Variants in WDR91 observed in about 807,000 individuals in gnomAD.
WDR91 encodes WD repeat domain 91, also known as WD repeat-containing protein 91.
Under a neutral mutation model 88.4 loss-of-function variants are expected in WDR91, and 52 were observed. The ratio of observed to expected loss-of-function variants is 0.59; its 90% confidence interval spans 0.47 to 0.74. WDR91 has a LOEUF of 0.74. WDR91 is among the 30% of genes least tolerant of loss of function. The pLI, the probability that WDR91 is intolerant of heterozygous loss-of-function variation, is 0.00. For missense variants in WDR91, 824 were observed against 954.5 expected (o/e 0.86, Z 1.80); for synonymous variants, 362 against 389.5 (o/e 0.93, Z 0.83).
intron 11 of WDR91, among the ~76,000 whole-genome samples, chr7:135,191,482 G>A (rs911733426): frequency 9.9e-5 from 15 of 151,254 alleles, no homozygotes; most frequent in African/African-American, 3.2e-4. Context: ...GTGGGCACCT[G>A]TAATCCCAGC....
rs1831040142 is a variant in WDR91, at chr7:135,188,521, A to G, written c.1793T>C (p.Met598Thr). 1 of 1,613,792 alleles carries G rather than the reference A, an allele frequency of 6.2e-7. No individual in the cohort carries two copies. Among genetic ancestry groups the G allele is most frequent in the Non-Finnish European group, 8.5e-7 (1 of 1,179,966 alleles). The change falls in exon 13 of 15, where the codon ATG (methionine) becomes ACG (threonine). Residue 598 changes from methionine to threonine, a missense_variant. Coordinates refer to ENST00000354475, the MANE Select transcript of WDR91 (RefSeq NM_014149.4). Reference sequence around the variant, plus strand: ...CTCCCCGTAGTGGGCCCTCCAGCTCATCGCGCACTCATGCTGCTGCATGTC... The same window carrying G: ...CTCCCCGTAGTGGGCCCTCCAGCTCGTCGCGCACTCATGCTGCTGCATGTC... The part of the protein sequence containing the change: ...LFDMQQHECA[M>T]SWRAHYGEVY...
intron 6 of WDR91, among the ~76,000 whole-genome samples, chr7:135,201,292 C>A (rs573045557): frequency 2.2e-4 from 34 of 151,492 alleles, no homozygotes; most frequent in South Asian, 8.4e-4. Context: ...TGTGCCCTCC[C>A]GGCTATTGTA....
chr7:135,208,900 C>G lies in WDR91; in HGVS notation c.402G>C (p.Leu134=). 6.2e-7 allele frequency: 1 copy of G among 1,614,122 alleles called. No homozygotes were observed. The highest frequency in any genetic ancestry group is 8.5e-7 in the Non-Finnish European group (1 of 1,180,014). Residue 134 remains leucine, a synonymous_variant, in exon 3 of 15, where the codon CTG becomes CTC. Coordinates refer to ENST00000354475, the MANE Select transcript of WDR91 (RefSeq NM_014149.4). ...EWKDWFVLPF[L]PSPDTNPTFA... ...AGGTGGGGTTGGTGTCCGGGGATGG[C>G]AGGAAGGGCAGGACAAACCAATCCT...
At chr7:135,203,052 C>T (rs1054526312) in intron 6 of WDR91, among the ~76,000 whole-genome samples, 1 of 152,192 alleles carries the variant, frequency 6.6e-6, no homozygotes, top group African/African-American at 2.4e-5. Context: ...TTCATCCTTC[C>T]CTGGGGAGTA....
chr7:135,205,892 G>A (rs778234872), intron 5 of WDR91, 36 bp downstream of exon 5: 1 of 1,611,850 alleles, frequency 6.2e-7, no homozygotes, highest in Non-Finnish European at 8.5e-7. Context: ...GAGCACAGAG[G>A]GCAAAGAAAA....
At chr7:135,211,329 C>T (rs774751716) in intron 1 of WDR91, 51 bp downstream of exon 1, 1 of 1,571,510 alleles carries the variant, frequency 6.4e-7, no homozygotes, top group Non-Finnish European at 8.6e-7. Context: ...AAGCCCGCTC[C>T]CCGGCTCCCT....
intron 7 of WDR91, 171 bp downstream of exon 7, chr7:135,197,822 G>T: frequency 1.3e-6 from 1 of 755,182 alleles, no homozygotes; most frequent in Non-Finnish European, 2.0e-6. Context: ...CCACAGAAAA[G>T]CCAGGCAAAT....
At chr7:135,188,166 AG>A (rs1831023103) in intron 13 of WDR91, among the ~76,000 whole-genome samples, 1 of 152,194 alleles carries the variant, frequency 6.6e-6, no homozygotes, top group Admixed American at 6.5e-5. Context: ...AAGCAAACTC[AG>A]CCCTAAATCC....
chr7:135,208,226 G>T (rs1192480850), intron 3 of WDR91, among the ~76,000 whole-genome samples: 2 of 152,270 alleles, frequency 1.3e-5, no homozygotes, highest in South Asian at 2.1e-4. Context: ...TGTACACTTG[G>T]TAGGCTGTAA....
chr7:135,201,565 T>C (rs1390890019), intron 6 of WDR91: 1 of 152,218 alleles, frequency 6.6e-6, no homozygotes, highest in East Asian at 1.9e-4. Context: ...AAATTTATAA[T>C]GCTTTCTATA....
chr7:135,206,242 T>C (rs1352310344), intron 4 of WDR91, among the ~76,000 whole-genome samples, 184 bp from the exon 5 acceptor site: 1 of 152,168 alleles, frequency 6.6e-6, no homozygotes, highest in Non-Finnish European at 1.5e-5. Flanking sequence ...TGGACAACAA[T>C]GAGGTGAGAA....
At chr7:135,203,917 T>C (rs1831664460) in intron 6 of WDR91, among the ~76,000 whole-genome samples, 2 of 152,006 alleles carry the variant, frequency 1.3e-5, no homozygotes, top group South Asian at 4.1e-4. Flanking sequence ...CCTTGATCAG[T>C]GCACAAGATC....
chr7:135,202,785 C>A (rs1451474754), intron 6 of WDR91, among the ~76,000 whole-genome samples: 1 of 152,174 alleles, frequency 6.6e-6, no homozygotes, highest in Non-Finnish European at 1.5e-5. Flanking sequence ...ACTTACTCGG[C>A]CACACTCCAC....
At chr7:135,191,344 A>G (rs1831156227) in intron 11 of WDR91, among the ~76,000 whole-genome samples, 2 of 152,248 alleles carry the variant, frequency 1.3e-5, no homozygotes, top group Admixed American at 6.5e-5. Flanking sequence ...GCAGTGGCTC[A>G]TGCCTGTAAT....
chr7:135,194,744 A>G (rs976906852), intron 9 of WDR91, among the ~76,000 whole-genome samples, 190 bp downstream of exon 9: 7 of 152,186 alleles, frequency 4.6e-5, no homozygotes, highest in Non-Finnish European at 1.0e-4. Flanking sequence ...CCATCTGTCA[A>G]TCTGGTAACC....
intron 6 of WDR91, chr7:135,201,340 G>C (rs1212862685): frequency 8.4e-6 from 1 of 118,774 alleles, no homozygotes; most frequent in Non-Finnish European, 1.7e-5. Context: ...GTGTGGTTTC[G>C]CAGTTATTTC....
intron 3 of WDR91, among the ~76,000 whole-genome samples, chr7:135,208,221 A>G (rs1173833041): frequency 6.6e-6 from 1 of 152,110 alleles, no homozygotes; most frequent in Non-Finnish European, 1.5e-5. Context: ...TGGCTTGTAC[A>G]CTTGGTAGGC....
In WDR91 at chr7:135,193,411, A is replaced by G. The variant is rs1169134662; in HGVS notation, c.1491-12T>C. The G allele has an allele frequency of 1.2e-6, 2 of 1,613,790 alleles. No individual in the cohort carries two copies. Among genetic ancestry groups the G allele is most frequent in the Non-Finnish European group, 1.7e-6 (2 of 1,179,822 alleles). ...CAAGAGACAGGATTCTGCAACACACATGGGCCTGGGTCAGACCCTCTGCCT... is the reference window on the plus strand; with the variant it reads ...CAAGAGACAGGATTCTGCAACACACGTGGGCCTGGGTCAGACCCTCTGCCT... On this transcript the variant is annotated splice_polypyrimidine_tract_variant and intron_variant, in intron 10 of 14. Transcript: ENST00000354475.
intron 6 of WDR91, chr7:135,198,794 G>C (rs1831466964): frequency 6.6e-6 from 1 of 152,090 alleles, no homozygotes; most frequent in African/African-American, 2.4e-5. Flanking sequence ...ACAGTGATAG[G>C]GTCAGCTAAG....
Sources: allele counts gnomAD v4.1 joint callset (sites outside exome capture counted in the v4.1 genomes callset), GRCh38; gene constraint gnomAD v4.1.1; transcripts MANE v1.5; gene names NCBI Gene and HGNC (gene_info 2026-07-23, HGNC 2026-07-21).